Variants in STIM1 observed in about 807,000 individuals in gnomAD.
STIM1 encodes the protein stromal interaction molecule 1.
In STIM1, 25 loss-of-function variants were observed where a neutral mutation model predicts 74.7. The ratio of observed to expected loss-of-function variants is 0.33; its 90% CI spans 0.24 to 0.47. The LOEUF (loss-of-function observed/expected upper bound fraction) is 0.47. Among genes scored for constraint, STIM1 ranks in the 20% least tolerant of loss-of-function variants. STIM1 has a pLI of 1.00. For missense variants in STIM1, 728 were observed against 920.8 expected (o/e 0.79, Z 2.71); for synonymous variants, 328 against 348.8 (o/e 0.94, Z 0.66).
At chr11:4,040,807 T>C (rs886639278) in intron 3 of STIM1, among the ~76,000 whole-genome samples, 2 of 152,222 alleles carry the variant, frequency 1.3e-5, no homozygotes, top group Admixed American at 1.3e-4. Context: ...ACTAACCTTG[T>C]GGTTTCTCTC....
chr11:3,895,961 G>A (rs1226474309), intron 1 of STIM1, among the ~76,000 whole-genome samples: 1 of 147,324 alleles, frequency 6.8e-6, no homozygotes, highest in Non-Finnish European at 1.5e-5. Context: ...CTGGAGTGTA[G>A]TGGCGCGATC....
chr11:3,917,227 C>T (rs567054784), intron 1 of STIM1, among the ~76,000 whole-genome samples: 1 of 152,238 alleles, frequency 6.6e-6, no homozygotes, highest in South Asian at 2.1e-4. Flanking sequence ...ACAATGTAGT[C>T]AGGTAGCAAG....
At chr11:3,864,365 G>T (rs1315098222) in intron 1 of STIM1, among the ~76,000 whole-genome samples, 2 of 152,176 alleles carry the variant, frequency 1.3e-5, no homozygotes, top group Non-Finnish European at 2.9e-5. Flanking sequence ...GCTTGACTGG[G>T]TACCTCTGGC....
chr11:3,976,924 A>G (rs1211538892), intron 2 of STIM1, among the ~76,000 whole-genome samples: 1 of 152,086 alleles, frequency 6.6e-6, no homozygotes, highest in African/African-American at 2.4e-5. Context: ...CCTCCCTAGT[A>G]GCTGGAACTA....
At chr11:4,052,297 AG>A in intron 3 of STIM1, among the ~76,000 whole-genome samples, 1 of 152,352 alleles carries the variant, frequency 6.6e-6, no homozygotes, top group Middle Eastern at 3.4e-3. Context: ...CTAAGCCAAA[AG>A]AACAAAGCTG....
intron 2 of STIM1, among the ~76,000 whole-genome samples, chr11:3,982,582 G>A (rs1323291795): frequency 2.0e-5 from 3 of 152,148 alleles, no homozygotes. Flanking sequence ...CTCTGAGACA[G>A]ACAGTAATTT....
rs1361723645 is a variant in STIM1, at chr11:4,045,891, C to T, written c.386-9635C>T. 5.3e-5 allele frequency among the ~76,000 whole-genome samples: 8 copies of T among 149,546 alleles called. No individual in the cohort carries two copies. The South Asian group carries it at 6.4e-4, about 12-fold the overall frequency. ...AAGTGATCCTTCCACCTCAGCCTCC[C>T]GAGTAGCTGGGATTACAGGCACGTG... On this transcript the variant is annotated intron_variant, in intron 3 of 12. Coordinates refer to ENST00000526596, the MANE Select transcript of STIM1 (RefSeq NM_001382567.1).
chr11:4,000,855 G>A (rs1429696326), intron 2 of STIM1, among the ~76,000 whole-genome samples: 1 of 151,502 alleles, frequency 6.6e-6, no homozygotes, highest in Non-Finnish European at 1.5e-5. Context: ...TTAGACGAAT[G>A]TATAACTAGA....
At chr11:3,870,678 G>T (rs2091048626) in intron 1 of STIM1, among the ~76,000 whole-genome samples, 1 of 151,682 alleles carries the variant, frequency 6.6e-6, no homozygotes, top group African/African-American at 2.4e-5. Context: ...TATATTTTTT[G>T]TAGAGATGGG....
intron 3 of STIM1, among the ~76,000 whole-genome samples, chr11:4,047,482 G>C (rs1032525073): frequency 1.3e-5 from 2 of 152,064 alleles, no homozygotes; most frequent in African/African-American, 4.8e-5. Context: ...TGGGTGTGGC[G>C]GCATGTGTCT....
At chr11:3,999,898 G>A (rs1240791422) in intron 2 of STIM1, among the ~76,000 whole-genome samples, 5 of 152,130 alleles carry the variant, frequency 3.3e-5, no homozygotes, top group East Asian at 1.9e-4. Flanking sequence ...GCACTTTTCC[G>A]ACGGGCTTAG....
chr11:4,027,632 A>G (rs2136034947), intron 3 of STIM1, among the ~76,000 whole-genome samples: 1 of 152,248 alleles, frequency 6.6e-6, no homozygotes, highest in Admixed American at 6.5e-5. Context: ...TTTTCTAATT[A>G]GCTACTTTCA....
chr11:4,020,335 A>T (rs2093944206), intron 2 of STIM1, among the ~76,000 whole-genome samples: 1 of 152,184 alleles, frequency 6.6e-6, no homozygotes, highest in Non-Finnish European at 1.5e-5. Flanking sequence ...TTTCTGGATC[A>T]TATGGTAGTT....
At chr11:3,868,868 A>T (rs186437002) in intron 1 of STIM1, among the ~76,000 whole-genome samples, 4 of 152,352 alleles carry the variant, frequency 2.6e-5, no homozygotes, top group African/African-American at 7.2e-5. Context: ...TTATAAGACA[A>T]TCCCTGCCCA....
rs2091930617 is a variant in STIM1, at chr11:3,892,618, T to C, written c.139+36209T>C. On this transcript the variant is annotated intron_variant, in intron 1 of 12. Coordinates refer to ENST00000526596, the MANE Select transcript of STIM1 (RefSeq NM_001382567.1). Reference sequence around the variant, plus strand: ...ACAAGATGCCAGGACCTGTATGCTTTAGGATGAAGTTCTCATCATCAAATT... The same window carrying C: ...ACAAGATGCCAGGACCTGTATGCTTCAGGATGAAGTTCTCATCATCAAATT... The C allele has an allele frequency of 5.0e-6, 8 of 1,604,310 alleles. No homozygotes were observed. In the Admixed American group the frequency reaches 1.3e-4, roughly 27 times the overall value.
rs763147075 is a variant in STIM1 at position 4,034,736 on chromosome 11, C to T, written c.385+10749C>T. Among the ~76,000 whole-genome samples, 4 of 152,206 alleles carry T rather than the reference C, an allele frequency of 2.6e-5. No individual in the cohort carries two copies. In the South Asian group the frequency reaches 8.3e-4, roughly 32 times the overall value. ...TGATAGAATTCAGCAGTGAAGCTAA[C>T]TGAGCTTAGAGTTTTCTTTGTGGGA... On this transcript the variant is annotated intron_variant, in intron 3 of 12. Coordinates refer to ENST00000526596, the MANE Select transcript of STIM1 (RefSeq NM_001382567.1).
chr11:4,067,405 TTG>T (rs763521006), intron 5 of STIM1, among the ~76,000 whole-genome samples: 36 of 152,240 alleles, frequency 2.4e-4, no homozygotes, highest in Non-Finnish European at 4.3e-4. Context: ...TTCCAGGATA[TTG>T]TGTGGGGGAA....
Position 3,856,312 on chromosome 11 carries a change from ACTC to A in STIM1, c.48_50del (p.Leu17del), listed in dbSNP as rs1565090966. On this transcript the variant is annotated inframe_deletion, in exon 1 of 13. Coordinates refer to ENST00000526596, the MANE Select transcript of STIM1 (RefSeq NM_001382567.1). The stretch of plus-strand genomic sequence containing the variant: ...GTCTTGCCCTGTGGCTCCTCTGGGG[ACTC>A]CTCCTGCACCAGGGCCAGAGCCTCA... The A allele has an allele frequency of 1.2e-6, 2 of 1,613,816 alleles. No homozygotes were observed. Among genetic ancestry groups the A allele is most frequent in the South Asian group, 1.1e-5 (1 of 91,070 alleles).
chr11:3,909,927 C>T (rs60930198), intron 1 of STIM1, among the ~76,000 whole-genome samples: 10,278 of 151,930 alleles, frequency 0.068, 553 homozygotes, highest in East Asian at 0.18. Context: ...AGAGCCGTTC[C>T]GAGGAAATAA....
Sources: allele counts gnomAD v4.1 joint callset (sites outside exome capture counted in the v4.1 genomes callset), GRCh38; gene constraint gnomAD v4.1.1; transcripts MANE v1.5; gene names NCBI Gene and HGNC (gene_info 2026-07-23, HGNC 2026-07-21).